The following DNAH17 variants were observed in gnomAD, a reference collection of about 807,000 sequenced individuals.
The protein encoded by DNAH17 is dynein axonemal heavy chain 17.
In DNAH17, 376 loss-of-function variants were observed where a neutral mutation model predicts 485.6. The observed-to-expected ratio is 0.77, with a 90% CI of 0.71 to 0.84. The LOEUF is 0.84. Ranked by LOEUF, DNAH17 falls within the 40% of genes least tolerant of loss-of-function variation. DNAH17 has a pLI of 0.00. For synonymous variants in DNAH17, 3,031 were observed against 2,405.9 expected (o/e 1.26, Z -7.60); for missense variants, 6,370 against 5,839.3 (o/e 1.09, Z -2.96).
chr17:78,429,719 G>A (rs970152373), intron 75 of DNAH17, among the ~76,000 whole-genome samples: 6 of 152,154 alleles, frequency 3.9e-5, no homozygotes, highest in Admixed American at 2.0e-4. Flanking sequence ...TGCCCTTCAC[G>A]GTCCAATTTC....
In DNAH17 at chr17:78,460,095, G is replaced by A. The variant is rs552025396; in HGVS notation, c.9435+67C>T. ...CCGCCATGAGTGTGTCACCACCCAC[G>A]CCAACAGCGAAGGCAGCTTCCTCTC... On this transcript the variant is annotated intron_variant, in intron 59 of 80. Coordinates refer to ENST00000389840, the MANE Select transcript of DNAH17 (RefSeq NM_173628.4). 967 of 1,580,010 alleles carry A rather than the reference G, an allele frequency of 6.1e-4. 4 individuals are homozygous for A. Among genetic ancestry groups the A allele is most frequent in the Non-Finnish European group, 1.7e-4 (198 of 1,159,982 alleles).
intron 75 of DNAH17, among the ~76,000 whole-genome samples, chr17:78,431,430 C>A (rs1165992515): frequency 1.3e-5 from 2 of 150,292 alleles, no homozygotes; most frequent in African/African-American, 4.9e-5. Context: ...GTCTGCATTT[C>A]CCGTACCTGC....
rs769827636 is a variant in DNAH17, at chr17:78,461,558, C to T, written c.9325G>A (p.Glu3109Lys). The T allele has an allele frequency of 1.3e-5, 20 of 1,595,314 alleles. No homozygotes were observed. Among genetic ancestry groups the T allele is most frequent in the Admixed American group, 3.5e-5 (2 of 57,160 alleles). Residue 3109 changes from glutamate to lysine, a missense_variant, in exon 58 of 81, where the codon GAG becomes AAG. Transcript: ENST00000389840. ...CCTTCACCTACCTTATTGATGACCT[C>T]GACCTTGACTTCTTCCTGGTCAGCA... The part of the protein sequence containing the change: ...AIADQEEVKV[E>K]VINKNVTEKQ...
intron 26 of DNAH17, among the ~76,000 whole-genome samples, chr17:78,512,614 G>A (rs1282727955): frequency 1.3e-5 from 2 of 152,078 alleles, no homozygotes; most frequent in African/African-American, 4.8e-5. Flanking sequence ...TTGCCAAGGA[G>A]TCCCACCGCC....
chr17:78,486,118 CTCGATAA>C lies in DNAH17; in HGVS notation c.7110_7116del (p.Asp2370GlufsTer80). Reference sequence around the variant, plus strand: ...TTGATCCACCATTTACTGAACTCCACTCGATAATCCACAAGCTGTTGAGACACAGAAG... The same window carrying C: ...TTGATCCACCATTTACTGAACTCCACTCCACAAGCTGTTGAGACACAGAAG... On this transcript the variant is annotated frameshift_variant, in exon 46 of 81. Coordinates refer to ENST00000389840, the MANE Select transcript of DNAH17 (RefSeq NM_173628.4). LOFTEE classifies it high-confidence loss of function. 1.2e-6 allele frequency: 2 copies of C among 1,613,626 alleles called. No individual in the cohort carries two copies. Among genetic ancestry groups the C allele is most frequent in the Non-Finnish European group, 1.7e-6 (2 of 1,179,706 alleles).
At chr17:78,572,923 C>A in intron 2 of DNAH17, 29 bp from the exon 3 acceptor site, 1 of 1,598,190 alleles carries the variant, frequency 6.3e-7, no homozygotes, top group Non-Finnish European at 8.5e-7. Context: ...GTGGTTCCGC[C>A]CCCTGTGCCT....
rs771952615 is a variant in DNAH17 at position 78,558,170 on chromosome 17, C to T, written c.2116G>A (p.Glu706Lys). ...IPDSAESLFS[E>K]NETFRKFVGN... is the part of the protein sequence containing the mutation. ...ACAAACTTCCGGAAAGTTTCGTTCTCTGAGAACAGACTCTCCGCACTGTCT... is the reference window on the plus strand; with the variant it reads ...ACAAACTTCCGGAAAGTTTCGTTCTTTGAGAACAGACTCTCCGCACTGTCT... The change falls in exon 14 of 81, where the codon GAG becomes AAG. Residue 706 changes from glutamate (E) to lysine (K), a missense_variant. Transcript: ENST00000389840. The T allele has an allele frequency of 5.0e-6, 8 of 1,613,812 alleles. No homozygotes were observed. Among genetic ancestry groups the T allele is most frequent in the East Asian group, 4.5e-5 (2 of 44,874 alleles).
At chr17:78,498,965 AGTCACCCGAC>A (rs2090174278) in intron 37 of DNAH17, 33 bp downstream of exon 37, 2 of 1,476,778 alleles carry the variant, frequency 1.4e-6, no homozygotes, top group South Asian at 2.6e-5. Context: ...CTGACGAGCC[AGTCACCCGAC>A]GTGACCCCGA....
intron 52 of DNAH17, 134 bp from the exon 53 acceptor site, chr17:78,475,967 C>T: frequency 2.0e-6 from 2 of 989,998 alleles, no homozygotes; most frequent in Non-Finnish European, 2.9e-6. Context: ...TCTCCAGGGG[C>T]CCAAACCTGC....
chr17:78,476,484 A>G (rs2089030594), intron 52 of DNAH17, 88 bp downstream of exon 52: 2 of 1,426,388 alleles, frequency 1.4e-6, no homozygotes, highest in African/African-American at 2.9e-5. Flanking sequence ...GGCCCTTCTG[A>G]GAGGGCTGCA....
At chr17:78,558,292 G>T (rs779072025) in intron 13 of DNAH17, 38 bp from the exon 14 acceptor site, 1 of 1,607,426 alleles carries the variant, frequency 6.2e-7, no homozygotes, top group Non-Finnish European at 8.5e-7. Context: ...ATGTCAGCAG[G>T]TCAGGTCAAC....
intron 22 of DNAH17, among the ~76,000 whole-genome samples, chr17:78,528,114 A>T (rs1004379766): frequency 6.6e-6 from 1 of 152,110 alleles, no homozygotes; most frequent in African/African-American, 2.4e-5. Flanking sequence ...ATCCCAGCCC[A>T]TGAACTTTTT....
intron 44 of DNAH17, 92 bp downstream of exon 44, chr17:78,490,607 G>A (rs1286503653): frequency 8.1e-6 from 12 of 1,481,040 alleles, no homozygotes; most frequent in Admixed American, 2.1e-5. Flanking sequence ...TTTGTGACAT[G>A]AATGATGAAT....
intron 55 of DNAH17, among the ~76,000 whole-genome samples, chr17:78,467,522 A>G (rs991139152): frequency 2.6e-5 from 4 of 152,196 alleles, no homozygotes; most frequent in African/African-American, 9.6e-5. Flanking sequence ...CTCACAGATA[A>G]CATTCACTAA....
intron 54 of DNAH17, among the ~76,000 whole-genome samples, chr17:78,475,050 A>G (rs1023903739): frequency 4.6e-5 from 7 of 151,274 alleles, no homozygotes; most frequent in Non-Finnish European, 4.4e-5. Context: ...CACCTCAGTC[A>G]CACGGGCTGG....
At chr17:78,500,092 T>G in intron 36 of DNAH17, 1 of 543,638 alleles carries the variant, frequency 1.8e-6, no homozygotes, top group Non-Finnish European at 3.2e-6. Flanking sequence ...GCAGGACATT[T>G]GGGGCTGCGT....
chr17:78,543,310 G>C (rs1358434675), intron 17 of DNAH17, among the ~76,000 whole-genome samples: 1 of 142,790 alleles, frequency 7.0e-6, no homozygotes, highest in East Asian at 2.1e-4. Context: ...TTGAGACGGA[G>C]TCTCGCTCTG....
At position 78,514,887 on chromosome 17, in the gene DNAH17, C is replaced by T. The variant is rs143872440; in HGVS notation, c.4000G>A (p.Val1334Met). ...DKEMKTWDAF[V>M]GLDNTVKNVI... ...TTTTTCACGGTGTTGTCGAGCCCCA[C>T]GAAGGCATCCCAGGTTTTCATCTCC... Residue 1334 changes from valine (V) to methionine (M), a missense_variant, in exon 26 of 81, where the codon GTG (valine) becomes ATG (methionine). Transcript: ENST00000389840. 1.0e-3 allele frequency: 1,638 copies of T among 1,614,046 alleles called. 7 individuals are homozygous for T. Among genetic ancestry groups the T allele is most frequent in the African/African-American group, 6.9e-3 (515 of 75,074 alleles).
intron 14 of DNAH17, among the ~76,000 whole-genome samples, chr17:78,556,460 C>T (rs8072600): frequency 0.99 from 150,963 of 152,346 alleles, 74,803 homozygotes; most frequent in East Asian, 1. Flanking sequence ...GTAGGAAATA[C>T]GTGCCGTTTA....
Sources: allele counts gnomAD v4.1 joint callset (sites outside exome capture counted in the v4.1 genomes callset), GRCh38; gene constraint gnomAD v4.1.1; transcripts MANE v1.5; gene names NCBI Gene and HGNC (gene_info 2026-07-23, HGNC 2026-07-21).